Variants in ANGPT2 observed in about 807,000 individuals in gnomAD.
ANGPT2 encodes the protein angiopoietin-2.
ANGPT2 carries 28 observed loss-of-function variants against 62.9 expected under a neutral mutation model. That is an observed-to-expected ratio of 0.44 (90% CI 0.33 to 0.61). ANGPT2 has a LOEUF of 0.61. ANGPT2 is among the 20% of genes least tolerant of loss of function. The pLI, the probability that ANGPT2 is intolerant of heterozygous loss-of-function variation, is 0.03. For missense variants in ANGPT2, 727 were observed against 594.9 expected (o/e 1.22, Z -2.31); for synonymous variants, 284 against 207.8 (o/e 1.37, Z -3.15).
intron 7 of ANGPT2, 29 bp from the exon 8 acceptor site, chr8:6,509,091 T>G: frequency 6.2e-7 from 1 of 1,604,296 alleles, no homozygotes; most frequent in Non-Finnish European, 8.5e-7. Flanking sequence ...AAAAAACACA[T>G]TGGCTAGGGT....
intron 2 of ANGPT2, among the ~76,000 whole-genome samples, chr8:6,529,051 G>C (rs1285198470): frequency 1.3e-5 from 2 of 152,168 alleles, no homozygotes; most frequent in East Asian, 1.9e-4. Context: ...TAATTCATAA[G>C]GGTTATAACA....
chr8:6,509,668 A>C lies in ANGPT2; in HGVS notation c.1197-606T>G, dbSNP rs1282190367. Among the ~76,000 whole-genome samples, 4 of 152,220 alleles carry C rather than the reference A, an allele frequency of 2.6e-5. No homozygotes were observed. The East Asian group carries it at 7.7e-4, about 29-fold the overall frequency. On this transcript the variant is annotated intron_variant, in intron 7 of 8. Coordinates refer to ENST00000629816, the MANE Select transcript of ANGPT2 (RefSeq NM_001118887.2). Reference sequence around the variant, plus strand: ...TTAGACACTATTTACAATACAGACGATCCCTGACTTCCCATGGGGCTATGT... The same window carrying C: ...TTAGACACTATTTACAATACAGACGCTCCCTGACTTCCCATGGGGCTATGT...
At chr8:6,534,566 G>T (rs767601640) in intron 1 of ANGPT2, among the ~76,000 whole-genome samples, 23 of 152,250 alleles carry the variant, frequency 1.5e-4, no homozygotes, top group Non-Finnish European at 2.5e-4. Context: ...AGCACATCTG[G>T]CTGAAGCCTT....
At chr8:6,560,776 A>G (rs1425740234) in intron 1 of ANGPT2, among the ~76,000 whole-genome samples, 1 of 152,220 alleles carries the variant, frequency 6.6e-6, no homozygotes, top group Non-Finnish European at 1.5e-5. Context: ...TGTTATCTCA[A>G]AGACCCAAGA....
intron 1 of ANGPT2, among the ~76,000 whole-genome samples, chr8:6,540,951 T>A (rs10103461): frequency 0.013 from 1,920 of 152,328 alleles, 49 homozygotes; most frequent in African/African-American, 0.042. Flanking sequence ...GGGGCAAGAA[T>A]GGGGACTGCT....
intron 1 of ANGPT2, among the ~76,000 whole-genome samples, chr8:6,536,629 G>A (rs1320114141): frequency 6.6e-6 from 1 of 152,072 alleles, no homozygotes; most frequent in Non-Finnish European, 1.5e-5. Context: ...AATTTTTAGA[G>A]GTACAGAAAG....
chr8:6,543,937 G>A (rs977218172), intron 1 of ANGPT2, among the ~76,000 whole-genome samples: 3 of 152,228 alleles, frequency 2.0e-5, no homozygotes, highest in East Asian at 1.9e-4. Context: ...ATTATTTAAC[G>A]GGGCTATGTT....
intron 5 of ANGPT2, among the ~76,000 whole-genome samples, chr8:6,516,407 T>C (rs892220276): frequency 6.6e-6 from 1 of 152,216 alleles, no homozygotes; most frequent in Non-Finnish European, 1.5e-5. Flanking sequence ...AAGTGATATA[T>C]AGGATTTGAA....
chr8:6,520,109 AG>A (rs1422674121), intron 4 of ANGPT2, 118 bp from the exon 5 acceptor site: 2 of 1,152,852 alleles, frequency 1.7e-6, no homozygotes, highest in African/African-American at 3.1e-5. Flanking sequence ...AGTAAGCAAA[AG>A]GCTGTACCAC....
At chr8:6,533,368 C>T (rs1819894814) in intron 1 of ANGPT2, among the ~76,000 whole-genome samples, 1 of 152,122 alleles carries the variant, frequency 6.6e-6, no homozygotes, top group South Asian at 2.1e-4. Context: ...GTGGGAAGAG[C>T]CTTTGGGCTT....
At chr8:6,514,153 C>CA (rs894429255) in intron 6 of ANGPT2, among the ~76,000 whole-genome samples, 2 of 151,978 alleles carry the variant, frequency 1.3e-5, no homozygotes. Context: ...GTCGGCTTAC[C>CA]AAAAAAATGC....
rs139251288 is a variant in ANGPT2 at position 6,527,623 on chromosome 8, C to T, written c.498G>A (p.Ser166=). 8 of 1,613,794 alleles carry T rather than the reference C, an allele frequency of 5.0e-6. No individual in the cohort carries two copies. Among genetic ancestry groups the T allele is most frequent in the South Asian group, 1.1e-5 (1 of 91,052 alleles). ...AAATCTGTTTTTCCAATTTGTTTGT[C>T]GAGAGGGAGTGTTCCAAGAGCTGAA... is the stretch of plus-strand genomic sequence containing the variant. ...LELQLLEHSL[S]TNKLEKQILD... The change falls in exon 3 of 9, where the codon TCG becomes TCA. Residue 166 remains serine, a synonymous_variant. Transcript: ENST00000629816.
At chr8:6,534,985 C>T (rs142880648) in intron 1 of ANGPT2, among the ~76,000 whole-genome samples, 171 of 152,328 alleles carry the variant, frequency 1.1e-3, no homozygotes, top group African/African-American at 3.9e-3. Flanking sequence ...AGTTACTCCT[C>T]ACAGCACCCC....
chr8:6,515,218 C>CA (rs36099758), intron 5 of ANGPT2, among the ~76,000 whole-genome samples: 49,294 of 151,924 alleles, frequency 0.32, 8,320 homozygotes, highest in Middle Eastern at 0.48. Flanking sequence ...CAGCCCCTGC[C>CA]CCTCCACAGA....
At chr8:6,511,653 C>T (rs963599017) in intron 7 of ANGPT2, among the ~76,000 whole-genome samples, 1 of 152,150 alleles carries the variant, frequency 6.6e-6, no homozygotes, top group Admixed American at 6.5e-5. Flanking sequence ...ATGCTAGCAT[C>T]ATGTTTTATT....
chr8:6,528,796 C>G (rs780014819), intron 2 of ANGPT2, among the ~76,000 whole-genome samples: 1 of 152,226 alleles, frequency 6.6e-6, no homozygotes, highest in Non-Finnish European at 1.5e-5. Context: ...TTGCTGGTGT[C>G]TTTATGTCAT....
At chr8:6,509,954 C>G (rs1225695254) in intron 7 of ANGPT2, among the ~76,000 whole-genome samples, 5 of 152,168 alleles carry the variant, frequency 3.3e-5, no homozygotes, top group African/African-American at 1.2e-4. Flanking sequence ...CCACATATCA[C>G]TAGCCAGGGA....
rs540608864 is a variant in ANGPT2, at chr8:6,522,203, A to G, written c.567-793T>C. On this transcript the variant is annotated intron_variant, in intron 3 of 8. Coordinates refer to ENST00000629816, the MANE Select transcript of ANGPT2 (RefSeq NM_001118887.2). ...ACCCCGTCTCCACTAAAAATACAAA[A>G]AATTCTCCAGGCGTGGTGGCGGGCG... Among the ~76,000 whole-genome samples, 113 of 152,124 alleles carry G rather than the reference A, an allele frequency of 7.4e-4. 1 individual carries two copies. The South Asian group carries it at 0.016, about 22-fold the overall frequency.
intron 5 of ANGPT2, among the ~76,000 whole-genome samples, chr8:6,517,985 T>C (rs1816596912): frequency 6.6e-6 from 1 of 152,222 alleles, no homozygotes; most frequent in South Asian, 2.1e-4. Context: ...TTAAAGGGAA[T>C]ATAAATCCTA....
Sources: allele counts gnomAD v4.1 joint callset (sites outside exome capture counted in the v4.1 genomes callset), GRCh38; gene constraint gnomAD v4.1.1; transcripts MANE v1.5; gene names NCBI Gene and HGNC (gene_info 2026-07-23, HGNC 2026-07-21).